Variants in LRRC53 observed in about 807,000 individuals in gnomAD.
LRRC53 encodes the protein leucine rich repeat containing 53, also known as leucine-rich repeat-containing protein 53.
In LRRC53, 25 loss-of-function variants were observed where a neutral mutation model predicts 13.6. The ratio of observed to expected loss-of-function variants is 1.83; its 90% confidence interval spans 1.34 to 2.56. The LOEUF (loss-of-function observed/expected upper bound fraction) is 2.56, where lower values mean the gene tolerates loss of function less well. LRRC53 is among the 30% of genes most tolerant of loss of function. LRRC53 has a pLI of 0.00. For missense variants in LRRC53, 527 were observed against 275.8 expected, an observed-to-expected ratio of 1.91 and a Z score of -6.45; for synonymous variants, 204 against 109.8, an observed-to-expected ratio of 1.86 and a Z score of -5.37.
chr1:74,480,869 G>C lies in LRRC53; in HGVS notation c.188C>G (p.Ser63Cys), dbSNP rs190944570. Residue 63 changes from serine (S) to cysteine (C), a missense_variant, in exon 3 of 5, where the codon TCC (serine) becomes TGC (cysteine). Ser to Cys is a moderately radical substitution (Grantham distance 112). Coordinates refer to ENST00000294635, the MANE Select transcript of LRRC53 (RefSeq NM_001382280.1). ...ATCCTCGATACCATTTCTGCTTAGG[G>C]AGAGCAGGGCAAGATTAAACAAGAG... is the stretch of plus-strand genomic sequence containing the variant. Reference protein sequence around the residue: ...LSLLFNLALLSLSRNGIEDVQ... With the variant: ...LSLLFNLALLCLSRNGIEDVQ... The C allele has an allele frequency of 2.5e-5, 18 of 717,434 alleles. No individual in the cohort carries two copies. In the African/African-American group the frequency reaches 2.6e-4, roughly 10 times the overall value. The allele number at this position is 717,434 out of a possible 1,614,324, so 44.4% of individuals were successfully genotyped here.
chr1:74,487,944 T>C (rs1668850999), intron 1 of LRRC53, among the ~76,000 whole-genome samples: 2 of 151,954 alleles, frequency 1.3e-5, no homozygotes, highest in South Asian at 4.2e-4. Context: ...GGTGGAGGCA[T>C]TGGTCATGAC....
chr1:74,480,850 G>T lies in LRRC53; in HGVS notation c.207C>A (p.Ile69=), dbSNP rs1345524880. ...GCAGGGCATCTTCCTGAACATCCTC[G>T]ATACCATTTCTGCTTAGGGAGAGCA... ...LALLSLSRNG[I]EDVQEDALHG... The change falls in exon 3 of 5, where the codon ATC becomes ATA. Residue 69 remains isoleucine, a synonymous_variant. Transcript: ENST00000294635. The T allele has an allele frequency of 1.4e-6, 1 of 717,472 alleles. No individual in the cohort carries two copies. 44.4% of individuals were successfully genotyped at this position (717,472 alleles called of 1,614,324 possible). A position where few individuals can be genotyped will look rare whatever the true frequency, so the allele number is the denominator to read the frequency against.
chr1:74,492,418 C>A, intron 1 of LRRC53: 1 of 1,091,014 alleles, frequency 9.2e-7, no homozygotes, highest in Non-Finnish European at 1.2e-6. Context: ...TACGTTATGA[C>A]TAAAAATTAG....
At chr1:74,518,006 T>C in the LRRC53 span, among the ~76,000 whole-genome samples, 1 of 152,126 alleles carries the variant, frequency 6.6e-6, no homozygotes. Context: ...CGGTGGGAAG[T>C]CATTCAAAGT....
At chr1:74,504,385 C>CTA (rs1284249215) in intron 1 of LRRC53, among the ~76,000 whole-genome samples, 15 of 152,266 alleles carry the variant, frequency 9.9e-5, no homozygotes, top group African/African-American at 3.6e-4. Flanking sequence ...GAATGCTGTA[C>CTA]TAAGGATAGA....
chr1:74,527,707 G>A, the LRRC53 span, among the ~76,000 whole-genome samples: 2 of 152,158 alleles, frequency 1.3e-5, no homozygotes, highest in East Asian at 3.9e-4. Context: ...AATCAGGGAG[G>A]TGACATAATC....
At chr1:74,492,507 T>G (rs1669133272) in intron 1 of LRRC53, among the ~76,000 whole-genome samples, 1 of 152,160 alleles carries the variant, frequency 6.6e-6, no homozygotes, top group South Asian at 2.1e-4. Flanking sequence ...ACACGTCTAT[T>G]TCAGAGCAAC....
Position 74,478,477 on chromosome 1 carries a change from A to G in LRRC53, c.904+1676T>C, listed in dbSNP as rs534074286. ...TACATATTTCTGAAAACAGATGTAA[A>G]AGTAACTAAAAGATACTAAAAATTG... On this transcript the variant is annotated intron_variant, in intron 3 of 4. Transcript: ENST00000294635. Among the ~76,000 whole-genome samples the G allele has an allele frequency of 5.3e-5, 8 of 152,302 alleles. No homozygotes were observed. In the East Asian group the frequency reaches 1.3e-3, roughly 26 times the overall value.
rs1382562280 is a variant in LRRC53 at position 74,472,192 on chromosome 1, C to G, written c.1430G>C (p.Ser477Thr). The G allele has an allele frequency of 1.4e-6, 1 of 716,738 alleles. No individual in the cohort carries two copies. The highest frequency in any genetic ancestry group is 2.6e-6 in the Non-Finnish European group (1 of 384,632). The allele number at this position is 716,738 out of a possible 1,614,324, so 44.4% of individuals were successfully genotyped here. A position where few individuals can be genotyped will look rare whatever the true frequency, so the allele number is the denominator to read the frequency against. ...HHIIRTEDIS[S>T]DIFRRRYATP... The stretch of plus-strand genomic sequence containing the variant: ...TGCATATCTTCTTCTAAATATGTCA[C>G]TGCTGATATCTGTGGAACAATAAAT... Residue 477 changes from serine (S) to threonine (T), a missense_variant, in exon 5 of 5, where the codon AGT becomes ACT. Transcript: ENST00000294635.
intron 1 of LRRC53, among the ~76,000 whole-genome samples, chr1:74,507,888 T>C (rs919293882): frequency 1.3e-5 from 2 of 152,220 alleles, no homozygotes; most frequent in African/African-American, 4.8e-5. Context: ...GTTAGTCAGG[T>C]GTTCATTCAA....
chr1:74,493,921 A>C (rs1453816032), intron 1 of LRRC53, among the ~76,000 whole-genome samples: 3 of 152,200 alleles, frequency 2.0e-5, no homozygotes, highest in Non-Finnish European at 2.9e-5. Context: ...AGTGGGAAGA[A>C]TTGCAAAGCC....
the LRRC53 span, among the ~76,000 whole-genome samples, chr1:74,524,316 G>A: frequency 6.6e-6 from 1 of 152,162 alleles, no homozygotes; most frequent in African/African-American, 2.4e-5. Flanking sequence ...TAGCTCTGTG[G>A]GCCTGCCAGA....
At chr1:74,503,610 T>C (rs1024143805) in intron 1 of LRRC53, among the ~76,000 whole-genome samples, 2 of 151,986 alleles carry the variant, frequency 1.3e-5, no homozygotes. Flanking sequence ...CTATCATCTC[T>C]GAGACGTAAA....
At chr1:74,485,002 CATA>C (rs1668682115) in intron 1 of LRRC53, among the ~76,000 whole-genome samples, 2 of 152,226 alleles carry the variant, frequency 1.3e-5, no homozygotes, top group South Asian at 4.1e-4. Flanking sequence ...GATTTTTTAT[CATA>C]ATGATGCAAT....
chr1:74,476,318 T>G (rs1668203456), intron 3 of LRRC53, among the ~76,000 whole-genome samples: 1 of 152,158 alleles, frequency 6.6e-6, no homozygotes, highest in Non-Finnish European at 1.5e-5. Flanking sequence ...TCTTGACAAA[T>G]GGCATCCTCA....
chr1:74,521,486 CAT>C, the LRRC53 span, among the ~76,000 whole-genome samples: 61,825 of 151,214 alleles, frequency 0.41, 14,889 homozygotes, highest in Non-Finnish European at 0.56. Context: ...CACACACACA[CAT>C]GTAAACGCAT....
chr1:74,473,846 C>G (rs2100743744), intron 4 of LRRC53, among the ~76,000 whole-genome samples: 1 of 152,182 alleles, frequency 6.6e-6, no homozygotes, highest in South Asian at 2.1e-4. Flanking sequence ...TTCTGTGACT[C>G]AAAGATAAAC....
chr1:74,495,918 G>A (rs1282053560), intron 1 of LRRC53, among the ~76,000 whole-genome samples: 1 of 152,124 alleles, frequency 6.6e-6, no homozygotes, highest in Non-Finnish European at 1.5e-5. Context: ...TGAGAACAGC[G>A]ATCAATAGGT....
intron 1 of LRRC53, among the ~76,000 whole-genome samples, chr1:74,504,759 T>C (rs17095465): frequency 0.068 from 10,313 of 152,062 alleles, 826 homozygotes; most frequent in African/African-American, 0.19. Context: ...GATGCAGCTC[T>C]CACCGTGGCT....
Sources: gnomAD v4.1 joint callset for allele counts (sites outside exome capture counted in the v4.1 genomes callset) on GRCh38, gnomAD v4.1.1 for gene constraint, MANE v1.5 for transcripts, NCBI Gene and HGNC (gene_info 2026-07-23, HGNC 2026-07-21) for gene names.